The following C12orf42 variants were observed in gnomAD, a reference collection of about 807,000 sequenced individuals.
The protein encoded by C12orf42 is uncharacterized protein C12orf42.
C12orf42 carries 25 observed loss-of-function variants against 21.6 expected under a neutral mutation model. The ratio of observed to expected loss-of-function variants is 1.16; its 90% CI spans 0.84 to 1.62. The LOEUF (loss-of-function observed/expected upper bound fraction) is 1.62, where lower values mean the gene tolerates loss of function less well. Ranked by LOEUF, C12orf42 falls within the 40% of genes most tolerant of loss-of-function variation. C12orf42 has a pLI of 0.00. For synonymous variants in C12orf42, 174 were observed against 175.0 expected, an observed-to-expected ratio of 0.99 and a Z score of 0.05; for missense variants, 483 against 459.3, an observed-to-expected ratio of 1.05 and a Z score of -0.47.
chr12:103,205,072 T>C, the C12orf42 span, among the ~76,000 whole-genome samples: 1 of 152,134 alleles, frequency 6.6e-6, no homozygotes, highest in East Asian at 1.9e-4. Flanking sequence ...GCTCAATAGC[T>C]ACCATATGGC....
intron 4 of C12orf42, among the ~76,000 whole-genome samples, chr12:103,361,830 C>T (rs1028750756): frequency 6.6e-6 from 1 of 152,014 alleles, no homozygotes; most frequent in Admixed American, 6.6e-5. Flanking sequence ...CACCCCCATC[C>T]CCCACAGCAG....
At chr12:103,296,089 C>T (rs542659093) in intron 4 of C12orf42, among the ~76,000 whole-genome samples, 1 of 147,892 alleles carries the variant, frequency 6.8e-6, no homozygotes, top group Non-Finnish European at 1.5e-5. Flanking sequence ...GTTCAATTCC[C>T]ACCTATGAGC....
intron 2 of C12orf42, among the ~76,000 whole-genome samples, chr12:103,434,990 T>G (rs1467094284): frequency 1.3e-5 from 2 of 152,162 alleles, no homozygotes; most frequent in African/African-American, 4.8e-5. Flanking sequence ...TCTGCAGACT[T>G]AAATGTCCCT....
In C12orf42 at chr12:103,306,048, T is replaced by G; in HGVS notation, c.557A>C (p.Glu186Ala). The stretch of plus-strand genomic sequence containing the variant: ...TCTACTGATGTGTATGCCCTGAGCC[T>G]CCAGGTGAACAGGATTTACTGAGTG... ...WAHSVNPVHLEAQGIHISRHT... is the reference protein window; with the variant it reads ...WAHSVNPVHLAAQGIHISRHT... The change falls in exon 5 of 6, where the codon GAG (glutamate) becomes GCG (alanine). Residue 186 changes from glutamate to alanine, a missense_variant. Coordinates refer to ENST00000548883, the MANE Select transcript of C12orf42 (RefSeq NM_198521.5). The G allele has an allele frequency of 6.2e-7, 1 of 1,613,972 alleles. No individual in the cohort carries two copies.
chr12:103,155,922 G>C, the C12orf42 span, among the ~76,000 whole-genome samples: 2 of 150,502 alleles, frequency 1.3e-5, no homozygotes, highest in African/African-American at 4.9e-5. Context: ...TTGTGCCTTT[G>C]TATTCTTCTA....
the C12orf42 span, among the ~76,000 whole-genome samples, chr12:103,064,735 A>G: frequency 6.6e-6 from 1 of 152,016 alleles, no homozygotes; most frequent in South Asian, 2.1e-4. Context: ...TTACCAGGGT[A>G]ACTGTATTGG....
chr12:103,211,812 T>C, the C12orf42 span, among the ~76,000 whole-genome samples: 1 of 152,242 alleles, frequency 6.6e-6, no homozygotes, highest in Non-Finnish European at 1.5e-5. Context: ...TACACAGTAA[T>C]AGATAACTAA....
At chr12:103,554,623 C>A in the C12orf42 span, among the ~76,000 whole-genome samples, 2 of 151,224 alleles carry the variant, frequency 1.3e-5, no homozygotes, top group Non-Finnish European at 2.9e-5. Context: ...ATGGGCTGTA[C>A]AGGCTTCTGC....
the C12orf42 span, chr12:103,081,013 T>C: frequency 1.3e-5 from 2 of 152,216 alleles, no homozygotes; most frequent in African/African-American, 2.4e-5. Context: ...CCTCTACATG[T>C]ACTTATGTAT....
chr12:103,352,625 G>C (rs1001587178), intron 4 of C12orf42, among the ~76,000 whole-genome samples: 7 of 152,056 alleles, frequency 4.6e-5, no homozygotes, highest in South Asian at 4.2e-4. Flanking sequence ...TTAAAACATA[G>C]AGTGGGAAGA....
chr12:103,306,641 GTAT>G (rs915189910), intron 4 of C12orf42, among the ~76,000 whole-genome samples: 20 of 152,154 alleles, frequency 1.3e-4, no homozygotes, highest in African/African-American at 3.6e-4. Flanking sequence ...CTAGCAGATA[GTAT>G]TATTATCTGT....
At chr12:103,225,416 C>G in the C12orf42 span, among the ~76,000 whole-genome samples, 602 of 151,994 alleles carry the variant, frequency 4.0e-3, 1 homozygote, top group African/African-American at 0.013. Flanking sequence ...TGTTGCGGGA[C>G]GGGATATTGG....
chr12:103,118,048 G>A, the C12orf42 span, among the ~76,000 whole-genome samples: 1 of 152,202 alleles, frequency 6.6e-6, no homozygotes, highest in Non-Finnish European at 1.5e-5. Context: ...TTTGTAAGAG[G>A]AGGGGTATGA....
At chr12:103,269,134 G>C (rs1489061182) in intron 6 of C12orf42, among the ~76,000 whole-genome samples, 2 of 152,116 alleles carry the variant, frequency 1.3e-5, no homozygotes, top group African/African-American at 4.8e-5. Context: ...AGTGTTTTAA[G>C]GATCTCTGTT....
chr12:103,371,584 T>C (rs1174307053), intron 3 of C12orf42, among the ~76,000 whole-genome samples: 1 of 152,142 alleles, frequency 6.6e-6, no homozygotes, highest in African/African-American at 2.4e-5. Context: ...TTTCTACCAT[T>C]TTAAAGAGAG....
chr12:103,228,329 G>A, the C12orf42 span, among the ~76,000 whole-genome samples: 5 of 152,028 alleles, frequency 3.3e-5, no homozygotes, highest in African/African-American at 9.7e-5. Flanking sequence ...CAGTGGGGGT[G>A]CTTTTTGAGC....
chr12:103,223,969 G>T, the C12orf42 span, among the ~76,000 whole-genome samples: 1 of 152,192 alleles, frequency 6.6e-6, no homozygotes, highest in African/African-American at 2.4e-5. Context: ...AATACTAAGA[G>T]CCTGAAAAAC....
the C12orf42 span, among the ~76,000 whole-genome samples, chr12:103,189,680 G>T: frequency 6.6e-6 from 1 of 152,090 alleles, no homozygotes; most frequent in African/African-American, 2.4e-5. Context: ...GAGAACTCAG[G>T]CTTCATGCCT....
downstream of C12orf42, among the ~76,000 whole-genome samples, chr12:103,236,062 C>G (rs899671454): frequency 6.6e-6 from 1 of 152,078 alleles, no homozygotes; most frequent in African/African-American, 2.4e-5. Context: ...ACTTCAGGAA[C>G]TTCCATATTT....
Sources: allele counts gnomAD v4.1 joint callset (sites outside exome capture counted in the v4.1 genomes callset), GRCh38; gene constraint gnomAD v4.1.1; transcripts MANE v1.5; gene names NCBI Gene and HGNC (gene_info 2026-07-23, HGNC 2026-07-21).